Variants in RYR2 observed in about 807,000 individuals in gnomAD.
RYR2 encodes the protein cardiac muscle ryanodine receptor-calcium release channel.
RYR2 carries 227 observed loss-of-function variants against 601.1 expected under a neutral mutation model. The ratio of observed to expected loss-of-function variants is 0.38; its 90% CI spans 0.34 to 0.42. The LOEUF (loss-of-function observed/expected upper bound fraction) is 0.42, where lower values mean the gene tolerates loss of function less well. Ranked by LOEUF, RYR2 falls within the 10% of genes least tolerant of loss-of-function variation. RYR2 has a pLI of 1.00. For synonymous variants in RYR2, 2,223 were observed against 2,175.1 expected, an observed-to-expected ratio of 1.02 and a Z score of -0.61; for missense variants, 4,646 against 6,156.5, an observed-to-expected ratio of 0.75 and a Z score of 8.21.
chr1:237,556,769 G>A (rs1670929761), intron 27 of RYR2, among the ~76,000 whole-genome samples: 1 of 150,472 alleles, frequency 6.6e-6, no homozygotes, highest in African/African-American at 2.4e-5. Context: ...TTAAGCTGAA[G>A]AGTCATAACA....
At chr1:237,124,091 A>G (rs1339601585) in intron 1 of RYR2, among the ~76,000 whole-genome samples, 2 of 152,228 alleles carry the variant, frequency 1.3e-5, no homozygotes, top group Non-Finnish European at 2.9e-5. Context: ...TTTCTATTTT[A>G]TAGCTGGAGA....
chr1:237,608,185 A>G (rs12142790), intron 35 of RYR2, among the ~76,000 whole-genome samples: 30,863 of 152,122 alleles, frequency 0.2, 3,479 homozygotes, highest in East Asian at 0.47. Context: ...TATCAACTAA[A>G]AAAGAGGAAC....
At chr1:237,542,058 C>CTATATTTA (rs1210091837) in intron 25 of RYR2, among the ~76,000 whole-genome samples, 1 of 148,328 alleles carries the variant, frequency 6.7e-6, no homozygotes, top group African/African-American at 2.5e-5. Context: ...ACATTTTTGT[C>CTATATTTA]TTTATTTATT....
At chr1:237,275,822 T>C (rs1690229239) in intron 2 of RYR2, among the ~76,000 whole-genome samples, 1 of 152,052 alleles carries the variant, frequency 6.6e-6, no homozygotes. Flanking sequence ...TTCCAAAGAA[T>C]AGGAATAATA....
chr1:237,099,919 G>A lies in RYR2; in HGVS notation c.48+57350G>A, dbSNP rs557855435. On this transcript the variant is annotated intron_variant, in intron 1 of 104. Transcript: ENST00000366574. Reference sequence around the variant, plus strand: ...GTAAATTTCCCCAGGTTAAGCTGCAGTTGGAAGCTGAACTGGGATATGAAC... The same window carrying A: ...GTAAATTTCCCCAGGTTAAGCTGCAATTGGAAGCTGAACTGGGATATGAAC... 3.9e-5 allele frequency among the ~76,000 whole-genome samples: 6 copies of A among 152,276 alleles called. No homozygotes were observed. In the South Asian group the frequency reaches 1.0e-3, roughly 26 times the overall value.
At position 237,651,475 on chromosome 1, in the gene RYR2, A is replaced by G. The variant is rs765765298; in HGVS notation, c.7798A>G (p.Asn2600Asp). Residue 2600 changes from asparagine (N) to aspartate (D), a missense_variant, in exon 51 of 105, where the codon AAT becomes GAT. Around this residue, in one of 17 missense-constraint regions of RYR2, gnomAD observed 1,497 missense variants for 1,842.6 expected, o/e 0.81. Transcript: ENST00000366574. ...RRLVFDVPLL[N>D]EHAKMPLKLL... is the part of the protein sequence containing the mutation. ...ATTAGTATTTGATGTTCCATTATTA[A>G]ATGAACACGCAAAGATGCCTCTTAA... 6.3e-7 allele frequency: 1 copy of G among 1,586,062 alleles called. No homozygotes were observed. The highest frequency in any genetic ancestry group is 8.6e-7 in the Non-Finnish European group (1 of 1,164,314).
chr1:237,654,283 A>G lies in RYR2; in HGVS notation c.7834A>G (p.Asn2612Asp), dbSNP rs1476789814. 1 of 1,613,854 alleles carries G rather than the reference A, an allele frequency of 6.2e-7. No homozygotes were observed. Among genetic ancestry groups the G allele is most frequent in the Non-Finnish European group, 8.5e-7 (1 of 1,179,806 alleles). ...HAKMPLKLLT[N>D]HYERCWKYYC... The stretch of plus-strand genomic sequence containing the variant: ...TTGTTTTCCCACATAGCTGCTGACA[A>G]ATCATTATGAAAGATGCTGGAAATA... The change falls in exon 52 of 105, where the codon AAT (asparagine) becomes GAT (aspartate). Residue 2612 changes from asparagine (N) to aspartate (D), a missense_variant. Asn to Asp is a conservative substitution (Grantham distance 23). Transcript: ENST00000366574.
At chr1:237,496,413 A>G (rs1202364768) in intron 19 of RYR2, 98 bp from the exon 20 acceptor site, 4 of 1,517,922 alleles carry the variant, frequency 2.6e-6, no homozygotes, top group Non-Finnish European at 3.6e-6. Flanking sequence ...GTCTCAATAA[A>G]ATTAAATGAA....
At position 237,364,250 on chromosome 1, in the gene RYR2, T is replaced by C. The variant is rs533891441; in HGVS notation, c.295-108T>C. The C allele has an allele frequency of 3.6e-5, 33 of 929,432 alleles. 1 individual carries two copies. Among genetic ancestry groups the C allele is most frequent in the South Asian group, 2.4e-4 (13 of 53,646 alleles). The allele number at this position is 929,432 out of a possible 1,614,324, so 57.6% of individuals were successfully genotyped here. On this transcript the variant is annotated intron_variant, in intron 4 of 104. Transcript: ENST00000366574. ...TTTTTTTTTATGTTTATTGTTTACA[T>C]AGCTCCATTTAGGATAACGGAGTCT...
chr1:237,494,112 G>T (rs143520088), intron 19 of RYR2, among the ~76,000 whole-genome samples: 140 of 152,244 alleles, frequency 9.2e-4, no homozygotes, highest in Non-Finnish European at 1.5e-3. Flanking sequence ...GGGCGAATAG[G>T]ATAGCTGTAT....
chr1:237,740,291 T>G (rs1003961322), intron 79 of RYR2, among the ~76,000 whole-genome samples: 4 of 152,218 alleles, frequency 2.6e-5, no homozygotes, highest in Admixed American at 6.5e-5. Flanking sequence ...AGTAGAAGTT[T>G]AAAGTAGTTT....
intron 1 of RYR2, among the ~76,000 whole-genome samples, chr1:237,149,001 TA>T (rs1674392907): frequency 6.6e-6 from 1 of 152,212 alleles, no homozygotes; most frequent in Non-Finnish European, 1.5e-5. Context: ...TCCCAAGCTC[TA>T]GCTTCCTCTG....
At chr1:237,745,435 A>C (rs1336826806) in intron 80 of RYR2, among the ~76,000 whole-genome samples, 1 of 152,204 alleles carries the variant, frequency 6.6e-6, no homozygotes, top group Non-Finnish European at 1.5e-5. Context: ...AGTAGCATAA[A>C]AGTTAATGCC....
At chr1:237,655,370 A>T (rs77835115) in intron 52 of RYR2, among the ~76,000 whole-genome samples, 7,274 of 152,222 alleles carry the variant, frequency 0.048, 226 homozygotes, top group African/African-American at 0.082. Flanking sequence ...TTTATTTTTC[A>T]AAGCTTTATA....
chr1:237,804,796 A>G (rs1189323758), intron 98 of RYR2, among the ~76,000 whole-genome samples: 2 of 152,196 alleles, frequency 1.3e-5, no homozygotes, highest in African/African-American at 2.4e-5. Context: ...TTTCATAACT[A>G]GTAGGTCTCA....
At chr1:237,135,279 C>G (rs1672638795) in intron 1 of RYR2, among the ~76,000 whole-genome samples, 1 of 151,728 alleles carries the variant, frequency 6.6e-6, no homozygotes, top group Non-Finnish European at 1.5e-5. Context: ...CTGTAATAGA[C>G]TATCTTGGGG....
chr1:237,270,637 G>A (rs368206206), intron 2 of RYR2, 21 bp downstream of exon 2: 64 of 1,560,040 alleles, frequency 4.1e-5, no homozygotes, highest in Non-Finnish European at 5.0e-5. Context: ...GTCTTTCAAG[G>A]CTATTCAAAT....
chr1:237,563,613 T>C (rs1000561592), intron 27 of RYR2, among the ~76,000 whole-genome samples: 1 of 152,044 alleles, frequency 6.6e-6, no homozygotes, highest in African/African-American at 2.4e-5. Flanking sequence ...ACTCAGAAAC[T>C]CTGCATTGTT....
intron 101 of RYR2, among the ~76,000 whole-genome samples, chr1:237,826,983 G>A (rs1663168444): frequency 2.0e-5 from 3 of 152,184 alleles, no homozygotes; most frequent in Admixed American, 2.0e-4. Flanking sequence ...GCAACTTGGA[G>A]TGTGGTGTTT....
Sources: allele counts gnomAD v4.1 joint callset (sites outside exome capture counted in the v4.1 genomes callset), GRCh38; gene constraint gnomAD v4.1.1; regional missense constraint gnomAD v4.1.1; transcripts MANE v1.5; gene names NCBI Gene and HGNC (gene_info 2026-07-23, HGNC 2026-07-21).